Variants in FRAS1 observed in about 807,000 individuals in gnomAD.
The protein encoded by FRAS1 is extracellular matrix organizing protein FRAS1.
A neutral mutation model predicts 435.2 loss-of-function variants in FRAS1; 290 were observed. The ratio of observed to expected loss-of-function variants is 0.67; its 90% CI spans 0.61 to 0.73. The LOEUF is 0.73. Among genes scored for constraint, FRAS1 ranks in the 30% least tolerant of loss-of-function variants. The pLI is 0.00. For missense variants in FRAS1, 4,860 were observed against 5,001.5 expected (o/e 0.97, Z 0.85); for synonymous variants, 1,800 against 1,851.0 (o/e 0.97, Z 0.71).
At chr4:78,402,575 C>T (rs1732933325) in intron 30 of FRAS1, among the ~76,000 whole-genome samples, 1 of 152,002 alleles carries the variant, frequency 6.6e-6, no homozygotes. Flanking sequence ...AGAATAAAAG[C>T]TCTTGAATAC....
At chr4:78,164,864 A>G (rs1721275187) in intron 2 of FRAS1, among the ~76,000 whole-genome samples, 1 of 152,146 alleles carries the variant, frequency 6.6e-6, no homozygotes, top group Non-Finnish European at 1.5e-5. Flanking sequence ...TCTTGAATCT[A>G]TTCCTAAAGT....
chr4:78,274,399 G>T (rs1181708060), intron 9 of FRAS1, among the ~76,000 whole-genome samples: 1 of 152,050 alleles, frequency 6.6e-6, no homozygotes, highest in African/African-American at 2.4e-5. Flanking sequence ...TCCTTTCATT[G>T]TGATGTTAGA....
chr4:78,482,245 A>G (rs936370473), intron 57 of FRAS1, 143 bp from the exon 58 acceptor site: 2 of 938,406 alleles, frequency 2.1e-6, no homozygotes, highest in African/African-American at 3.3e-5. Context: ...GTGGCATGTA[A>G]TAAAGAGATC....
chr4:78,484,882 A>G (rs879743312), intron 58 of FRAS1, among the ~76,000 whole-genome samples: 2 of 152,224 alleles, frequency 1.3e-5, no homozygotes, highest in Non-Finnish European at 2.9e-5. Flanking sequence ...ATTATATACT[A>G]CATGGTTTTA....
chr4:78,252,434 T>C lies in FRAS1; in HGVS notation c.352T>C (p.Cys118Arg). ...WASSPCSVCS[C>R]NHGEVRCTPQ... ...CTCTTCTCCATGTAGTGTGTGCTCT[T>C]GCAATCATGGGGAAGTCCGATGTAC... Residue 118 changes from cysteine (C) to arginine (R), a missense_variant, in exon 5 of 74, where the codon TGC (cysteine) becomes CGC (arginine). Physicochemically the swap from Cys to Arg is radical, Grantham distance 180. Transcript: ENST00000512123. 2 of 1,613,800 alleles carry C rather than the reference T, an allele frequency of 1.2e-6. No individual in the cohort carries two copies. Among genetic ancestry groups the C allele is most frequent in the Non-Finnish European group, 1.7e-6 (2 of 1,179,816 alleles).
chr4:78,524,247 A>G (rs1156738477), intron 69 of FRAS1, among the ~76,000 whole-genome samples: 1 of 152,208 alleles, frequency 6.6e-6, no homozygotes, highest in Non-Finnish European at 1.5e-5. Context: ...TTAGCATGTG[A>G]TAGGTTCTGA....
intron 2 of FRAS1, among the ~76,000 whole-genome samples, chr4:78,099,813 A>G (rs916109536): frequency 2.6e-5 from 4 of 152,198 alleles, no homozygotes; most frequent in African/African-American, 9.6e-5. Flanking sequence ...AGCTTATCAT[A>G]TTGAATGGAC....
chr4:78,197,792 T>C (rs377213010), intron 2 of FRAS1, among the ~76,000 whole-genome samples: 67 of 152,018 alleles, frequency 4.4e-4, no homozygotes, highest in African/African-American at 1.5e-3. Context: ...ATACAAAAAA[T>C]TAGCTGGGCG....
Position 78,521,527 on chromosome 4 carries a change from C to A in FRAS1, c.10545C>A (p.Ile3515=). 3 of 1,607,520 alleles carry A rather than the reference C, an allele frequency of 1.9e-6. No homozygotes were observed. The highest frequency in any genetic ancestry group is 2.5e-6 in the Non-Finnish European group (3 of 1,176,594). ...FYDTVLWRTG[I]QTDSVLSARL... is the part of the protein sequence containing the mutation. ...TCTCTCTGCTTTCCTGCCCAGGAAT[C>A]CAGACAGACAGCGTGCTCTCTGCAA... The change falls in exon 68 of 74, where the codon ATC becomes ATA. Residue 3515 remains isoleucine (I), a synonymous_variant. Transcript: ENST00000512123.
chr4:78,134,896 A>G (rs1378808567), intron 2 of FRAS1, among the ~76,000 whole-genome samples: 1 of 152,172 alleles, frequency 6.6e-6, no homozygotes, highest in Non-Finnish European at 1.5e-5. Flanking sequence ...GATGTGGGTG[A>G]GATTTGAACC....
chr4:78,153,810 A>T (rs1698302669), intron 2 of FRAS1, among the ~76,000 whole-genome samples: 1 of 152,200 alleles, frequency 6.6e-6, no homozygotes, highest in South Asian at 2.1e-4. Flanking sequence ...TTACATTTTC[A>T]TAATTCTTCC....
intron 2 of FRAS1, among the ~76,000 whole-genome samples, chr4:78,082,771 A>T (rs1740953921): frequency 7.7e-6 from 1 of 129,438 alleles, no homozygotes; most frequent in Admixed American, 8.1e-5. Context: ...GATCCTTAAA[A>T]ATTATTTTTA....
chr4:78,534,694 T>C, intron 71 of FRAS1, 79 bp downstream of exon 71: 1 of 1,396,554 alleles, frequency 7.2e-7, no homozygotes, highest in Non-Finnish European at 9.9e-7. Flanking sequence ...GACTGGCATC[T>C]CTGCTCATAT....
Position 78,497,107 on chromosome 4 carries a change from G to A in FRAS1, c.9115+146G>A, listed in dbSNP as rs1720529636. 4.3e-6 allele frequency: 3 copies of A among 695,998 alleles called. No homozygotes were observed. The South Asian group carries it at 5.9e-5, about 14-fold the overall frequency. The allele number at this position is 695,998 out of a possible 1,614,324, so 43.1% of individuals were successfully genotyped here. A position where few individuals can be genotyped will look rare whatever the true frequency, so the allele number is the denominator to read the frequency against. ...TGAATATTTATATAAAATGTTGGTGGCAAATGATCTCCCTCTACAGAGATC... is the reference window on the plus strand; with the variant it reads ...TGAATATTTATATAAAATGTTGGTGACAAATGATCTCCCTCTACAGAGATC... On this transcript the variant is annotated intron_variant, in intron 60 of 73. Coordinates refer to ENST00000512123, the MANE Select transcript of FRAS1 (RefSeq NM_025074.7).
At chr4:78,102,688 A>G (rs1178684909) in intron 2 of FRAS1, among the ~76,000 whole-genome samples, 2 of 152,206 alleles carry the variant, frequency 1.3e-5, no homozygotes, top group South Asian at 2.1e-4. Flanking sequence ...TAAAGATTTT[A>G]TTACCTTGAG....
chr4:78,536,352 T>C (rs1721882572), intron 71 of FRAS1, among the ~76,000 whole-genome samples: 1 of 152,182 alleles, frequency 6.6e-6, no homozygotes, highest in Non-Finnish European at 1.5e-5. Context: ...TTTCTGTACC[T>C]GGTTTCATGC....
chr4:78,320,661 GTCTC>G (rs372055845), intron 18 of FRAS1, among the ~76,000 whole-genome samples: 123 of 149,624 alleles, frequency 8.2e-4, no homozygotes, highest in African/African-American at 2.2e-3. Context: ...CCCTCCTTCT[GTCTC>G]TCTCTCTCTC....
intron 2 of FRAS1, among the ~76,000 whole-genome samples, chr4:78,112,701 G>A (rs1742815852): frequency 1.3e-5 from 2 of 152,024 alleles, no homozygotes; most frequent in South Asian, 4.1e-4. Flanking sequence ...AAATGTCTAT[G>A]CTTCATAGAT....
intron 47 of FRAS1, among the ~76,000 whole-genome samples, chr4:78,458,700 AT>A (rs1240818620): frequency 2.0e-5 from 3 of 152,214 alleles, no homozygotes; most frequent in East Asian, 1.9e-4. Context: ...ATCTAAAATA[AT>A]TTTTTTAAAC....
Sources: gnomAD v4.1 joint callset for allele counts (sites outside exome capture counted in the v4.1 genomes callset) on GRCh38, gnomAD v4.1.1 for gene constraint, MANE v1.5 for transcripts, NCBI Gene and HGNC (gene_info 2026-07-23, HGNC 2026-07-21) for gene names.